Variants in GABRA4 observed in about 807,000 individuals in gnomAD.
GABRA4 encodes gamma-aminobutyric acid receptor subunit alpha-4.
A neutral mutation model predicts 49.7 loss-of-function variants in GABRA4; 12 were observed. The ratio of observed to expected loss-of-function variants is 0.24; its 90% CI spans 0.15 to 0.39. The LOEUF is 0.39. Ranked by LOEUF, GABRA4 falls within the 10% of genes least tolerant of loss-of-function variation. GABRA4 has a pLI of 1.00. For missense variants in GABRA4, 506 were observed against 686.0 expected, an observed-to-expected ratio of 0.74 and a Z score of 2.93; for synonymous variants, 288 against 240.2, an observed-to-expected ratio of 1.20 and a Z score of -1.84.
At chr4:46,975,861 C>T (rs1204266419) in intron 5 of GABRA4, among the ~76,000 whole-genome samples, 1 of 151,926 alleles carries the variant, frequency 6.6e-6, no homozygotes, top group Non-Finnish European at 1.5e-5. Context: ...TTTATCTTCT[C>T]TCATTAAATT....
intron 8 of GABRA4, among the ~76,000 whole-genome samples, chr4:46,929,314 G>A (rs1170888593): frequency 1.3e-5 from 2 of 151,842 alleles, no homozygotes; most frequent in Non-Finnish European, 2.9e-5. Flanking sequence ...GAAAAGCATA[G>A]ATAATAGTAC....
At chr4:46,969,005 G>A (rs573236458) in intron 7 of GABRA4, among the ~76,000 whole-genome samples, 2 of 151,630 alleles carry the variant, frequency 1.3e-5, no homozygotes, top group Admixed American at 6.6e-5. Flanking sequence ...ATTATTTCAA[G>A]TGCTTTTCTA....
At chr4:46,990,654 C>T (rs1264604749) in intron 2 of GABRA4, among the ~76,000 whole-genome samples, 1 of 152,074 alleles carries the variant, frequency 6.6e-6, no homozygotes, top group African/African-American at 2.4e-5. Flanking sequence ...CATTTATGGG[C>T]AGATAAATCC....
At chr4:46,993,021 G>A in intron 1 of GABRA4, 75 bp from the exon 2 acceptor site, 1 of 1,165,870 alleles carries the variant, frequency 8.6e-7, no homozygotes, top group Non-Finnish European at 1.3e-6. Context: ...GTGCAAACAG[G>A]TTTGTTTTCT....
chr4:46,959,852 A>ATG (rs1722509776), intron 8 of GABRA4, among the ~76,000 whole-genome samples: 3 of 139,900 alleles, frequency 2.1e-5, no homozygotes, highest in Non-Finnish European at 1.6e-5. Flanking sequence ...GTGTGTGTGT[A>ATG]TGTGTGTGTG....
At chr4:46,939,924 G>A (rs1721735176) in intron 8 of GABRA4, among the ~76,000 whole-genome samples, 1 of 151,808 alleles carries the variant, frequency 6.6e-6, no homozygotes, top group South Asian at 2.1e-4. Flanking sequence ...ATAATACTTT[G>A]TATCACAAAT....
At chr4:46,971,579 C>T (rs1187004632) in intron 6 of GABRA4, among the ~76,000 whole-genome samples, 1 of 151,164 alleles carries the variant, frequency 6.6e-6, no homozygotes, top group Non-Finnish European at 1.5e-5. Flanking sequence ...GCATTTAGAC[C>T]TATCTTCTAT....
At chr4:46,930,628 GA>G (rs1721393745) in intron 8 of GABRA4, among the ~76,000 whole-genome samples, 1 of 143,174 alleles carries the variant, frequency 7.0e-6, no homozygotes. Flanking sequence ...AAACAGGAAA[GA>G]AATACATTTT....
At chr4:46,938,038 ATAATT>A (rs1721658138) in intron 8 of GABRA4, among the ~76,000 whole-genome samples, 2 of 152,060 alleles carry the variant, frequency 1.3e-5, no homozygotes, top group African/African-American at 4.8e-5. Context: ...AATTAACAAT[ATAATT>A]TATAACTTTT....
chr4:46,945,537 C>T (rs1365671945), intron 8 of GABRA4, among the ~76,000 whole-genome samples: 1 of 152,058 alleles, frequency 6.6e-6, no homozygotes, highest in Non-Finnish European at 1.5e-5. Context: ...TATTGAAAAG[C>T]TGATTTTTAA....
At chr4:46,992,752 T>A in intron 2 of GABRA4, 76 bp downstream of exon 2, 1 of 1,043,406 alleles carries the variant, frequency 9.6e-7, no homozygotes, top group South Asian at 1.3e-5. Context: ...CCTAATGATA[T>A]TCCCACAGAC....
At position 46,928,238 on chromosome 4, in the gene GABRA4, T is replaced by C; in HGVS notation, c.1652A>G (p.Glu551Gly). 6.2e-7 allele frequency: 1 copy of C among 1,606,518 alleles called. No homozygotes were observed. The highest frequency in any genetic ancestry group is 8.5e-7 in the Non-Finnish European group (1 of 1,175,880). Residue 551 changes from glutamate to glycine, a missense_variant, in exon 9 of 9, where the codon GAA (glutamate) becomes GGA (glycine). Glu to Gly is a moderately conservative substitution (Grantham distance 98). Coordinates refer to ENST00000264318, the MANE Select transcript of GABRA4 (RefSeq NM_000809.4). ...ATAGCAACGAAATTACATTAGACTT[T>C]CTGATTTCTCCATAGTGTCCTTAGA... ...YLSKDTMEKS[E>G]SLM
intron 8 of GABRA4, among the ~76,000 whole-genome samples, chr4:46,929,350 T>G (rs1184127308): frequency 6.6e-6 from 1 of 152,040 alleles, no homozygotes; most frequent in Admixed American, 6.6e-5. Context: ...CTAATAATAC[T>G]GACATATTTT....
At chr4:46,944,448 T>C (rs1205755694) in intron 8 of GABRA4, among the ~76,000 whole-genome samples, 1 of 152,074 alleles carries the variant, frequency 6.6e-6, no homozygotes, top group Non-Finnish European at 1.5e-5. Context: ...TTTCTTCTTT[T>C]CCTTCTCACT....
intron 8 of GABRA4, among the ~76,000 whole-genome samples, chr4:46,945,337 C>T (rs1721946360): frequency 6.6e-6 from 1 of 152,142 alleles, no homozygotes; most frequent in Non-Finnish European, 1.5e-5. Flanking sequence ...CCTGCACCTT[C>T]CTCTTGCCCT....
At chr4:46,963,046 C>A (rs1272881141) in intron 8 of GABRA4, among the ~76,000 whole-genome samples, 1 of 151,754 alleles carries the variant, frequency 6.6e-6, no homozygotes, top group East Asian at 1.9e-4. Flanking sequence ...GCAAAAATTT[C>A]TTGAGTAATA....
chr4:46,938,384 T>C (rs367915431), intron 8 of GABRA4, among the ~76,000 whole-genome samples: 1 of 152,138 alleles, frequency 6.6e-6, no homozygotes, highest in African/African-American at 2.4e-5. Context: ...GCATAGCAAG[T>C]AGTCTGAGTT....
intron 8 of GABRA4, among the ~76,000 whole-genome samples, chr4:46,935,529 G>A (rs925540205): frequency 1.3e-5 from 2 of 151,936 alleles, no homozygotes; most frequent in Non-Finnish European, 2.9e-5. Context: ...AATATTATAC[G>A]TCTATGAAAA....
intron 7 of GABRA4, among the ~76,000 whole-genome samples, chr4:46,965,628 G>A (rs1283152648): frequency 6.6e-6 from 1 of 151,698 alleles, no homozygotes; most frequent in Admixed American, 6.6e-5. Flanking sequence ...ACACCTCTCA[G>A]GAAGAGTAAC....
Sources: gnomAD v4.1 joint callset for allele counts (sites outside exome capture counted in the v4.1 genomes callset) on GRCh38, gnomAD v4.1.1 for gene constraint, MANE v1.5 for transcripts, NCBI Gene and HGNC (gene_info 2026-07-23, HGNC 2026-07-21) for gene names.